MYO18A: variants seen among roughly 807,000 people sequenced by gnomAD.
MYO18A encodes the protein myosin XVIIIA.
A neutral mutation model predicts 235.8 loss-of-function variants in MYO18A; 78 were observed. The observed-to-expected ratio is 0.33, with a 90% CI of 0.28 to 0.40. The LOEUF (loss-of-function observed/expected upper bound fraction) is 0.40, where lower values mean the gene tolerates loss of function less well. MYO18A is among the 10% of genes least tolerant of loss of function. The pLI, the probability that MYO18A is intolerant of heterozygous loss-of-function variation, is 1.00. For missense variants in MYO18A, 2,215 were observed against 2,699.3 expected (o/e 0.82, Z 3.98); for synonymous variants, 977 against 1,077.8 (o/e 0.91, Z 1.83).
intron 2 of MYO18A, chr17:29,124,813 G>T: frequency 1.4e-6 from 1 of 731,312 alleles, no homozygotes; most frequent in Non-Finnish European, 1.9e-6. Context: ...CCAAGGCTCG[G>T]GGTGAAGGTG....
At chr17:29,133,040 C>A (rs1304505537) in intron 2 of MYO18A, among the ~76,000 whole-genome samples, 1 of 152,236 alleles carries the variant, frequency 6.6e-6, no homozygotes, top group Non-Finnish European at 1.5e-5. Context: ...AACTTGGGTG[C>A]CGGGGTGGCC....
chr17:29,141,959 T>G lies in MYO18A; in HGVS notation c.1000-19706A>C, dbSNP rs539121237. ...CTGGGATTTTTTTGTTTTTGTTTTTTTTTGAGACGGAGTCTCGCTCTGTCG... is the reference window on the plus strand; with the variant it reads ...CTGGGATTTTTTTGTTTTTGTTTTTGTTTGAGACGGAGTCTCGCTCTGTCG... On this transcript the variant is annotated intron_variant, in intron 2 of 41. Transcript: ENST00000527372. 9.8e-5 allele frequency among the ~76,000 whole-genome samples: 15 copies of G among 152,328 alleles called. No homozygotes were observed. In the South Asian group the frequency reaches 3.1e-3, roughly 32 times the overall value.
At position 29,158,145 on chromosome 17, in the gene MYO18A, C is replaced by T. The variant is rs1038938163; in HGVS notation, c.999+7797G>A. ...AAACACCACCTAGGGCACGTGTCTA[C>T]ACTATGCACCATACTGAGCGCCACA... On this transcript the variant is annotated intron_variant, in intron 2 of 41. Coordinates refer to ENST00000527372, the MANE Select transcript of MYO18A (RefSeq NM_078471.4). The surrounding 1 kb of genome is among the most constrained non-coding windows in gnomAD (Gnocchi z 4.3). Among the ~76,000 whole-genome samples the T allele has an allele frequency of 6.6e-6, 1 of 152,170 alleles. No homozygotes were observed. Among genetic ancestry groups the T allele is most frequent in the Non-Finnish European group, 1.5e-5 (1 of 68,034 alleles).
At chr17:29,172,703 CAG>C (rs995116942) in intron 1 of MYO18A, among the ~76,000 whole-genome samples, 3 of 152,086 alleles carry the variant, frequency 2.0e-5, no homozygotes, top group Non-Finnish European at 4.4e-5. Flanking sequence ...GAGAGGATAA[CAG>C]AGTACACAAG....
At chr17:29,153,276 T>A (rs1380832086) in intron 2 of MYO18A, among the ~76,000 whole-genome samples, 1 of 151,900 alleles carries the variant, frequency 6.6e-6, no homozygotes, top group Non-Finnish European at 1.5e-5. Flanking sequence ...CACACCACCA[T>A]GCCCAGCTAA....
At chr17:29,097,178 T>G in intron 27 of MYO18A, 45 bp downstream of exon 27, 1 of 1,598,512 alleles carries the variant, frequency 6.3e-7, no homozygotes, top group Non-Finnish European at 8.5e-7. Context: ...ACCAGTCCTC[T>G]CCTGGCCCTC....
chr17:29,115,249 C>T (rs2067029554), intron 13 of MYO18A, 102 bp downstream of exon 13: 3 of 1,458,228 alleles, frequency 2.1e-6, no homozygotes, highest in Non-Finnish European at 2.8e-6. Flanking sequence ...ACAGGGAGCC[C>T]CTGCTGGAAG....
intron 41 of MYO18A, chr17:29,076,232 T>C (rs1229821340): frequency 6.6e-6 from 1 of 150,926 alleles, no homozygotes; most frequent in Non-Finnish European, 1.5e-5. Context: ...GAAAGGATCT[T>C]CCCCAAGGCC....
At chr17:29,175,358 T>C (rs1417801136) in intron 1 of MYO18A, among the ~76,000 whole-genome samples, 2 of 151,272 alleles carry the variant, frequency 1.3e-5, no homozygotes, top group Non-Finnish European at 2.9e-5. Context: ...TCTACTTTTA[T>C]TTCATCTTTT....
In MYO18A at chr17:29,110,069, C is replaced by T. The variant is rs2066891218; in HGVS notation, c.3120G>A (p.Lys1040=). The T allele has an allele frequency of 1.2e-6, 2 of 1,612,554 alleles. No homozygotes were observed. Among genetic ancestry groups the T allele is most frequent in the Non-Finnish European group, 1.7e-6 (2 of 1,179,842 alleles). The stretch of plus-strand genomic sequence containing the variant: ...GCAGGAAGCAGTGCACAAAATGCAG[C>T]TTTGACTTCTTGATGGTGTCGATGA... The part of the protein sequence containing the change: ...DALIDTIKKS[K]LHFVHCFLPV... Residue 1040 remains lysine (K), a synonymous_variant, in exon 19 of 42, where the codon AAG becomes AAA. Transcript: ENST00000527372.
At position 29,090,023 on chromosome 17, in the gene MYO18A, C is replaced by G. The variant is rs762040758; in HGVS notation, c.5464G>C (p.Ala1822Pro). 1 of 1,614,060 alleles carries G rather than the reference C, an allele frequency of 6.2e-7. No individual in the cohort carries two copies. Among genetic ancestry groups the G allele is most frequent in the Non-Finnish European group, 8.5e-7 (1 of 1,179,894 alleles). Residue 1822 changes from alanine to proline, a missense_variant, in exon 37 of 42, where the codon GCT becomes CCT. Transcript: ENST00000527372. ...CGTGTCTCCAGCTCCCGTATCTTAG[C>G]TTCCTGCCTGCTCACCAGGGACTTG... ...VDKSLVSRQE[A>P]KIRELETRLE...
chr17:29,095,207 G>C, intron 28 of MYO18A, 148 bp from the exon 29 acceptor site: 1 of 1,258,808 alleles, frequency 7.9e-7, no homozygotes, highest in South Asian at 1.6e-5. Context: ...TAAGGTAGCG[G>C]TGACATTTAG....
intron 15 of MYO18A, 139 bp from the exon 16 acceptor site, chr17:29,112,002 G>A (rs946752388): frequency 2.4e-5 from 27 of 1,115,488 alleles, no homozygotes; most frequent in African/African-American, 1.1e-4. Flanking sequence ...AGCTCCTGCC[G>A]CTCACTGCTG....
chr17:29,100,595 A>G (rs1449255337), intron 21 of MYO18A, among the ~76,000 whole-genome samples: 1 of 152,232 alleles, frequency 6.6e-6, no homozygotes, highest in Non-Finnish European at 1.5e-5. Context: ...CACACGCCAC[A>G]AAGGGAAGTG....
chr17:29,165,928 A>G lies in MYO18A; in HGVS notation c.999+14T>C. 6.2e-7 allele frequency: 1 copy of G among 1,604,980 alleles called. No individual in the cohort carries two copies. Among genetic ancestry groups the G allele is most frequent in the South Asian group, 1.1e-5 (1 of 90,142 alleles). On this transcript the variant is annotated intron_variant, in intron 2 of 41. Transcript: ENST00000527372. ...CCATCCCTGCTTAGCCCAGGTGCCC[A>G]GGGAAGCACTCACATCGGATGGCTC...
chr17:29,148,058 G>A (rs1011415822), intron 2 of MYO18A, among the ~76,000 whole-genome samples: 4 of 151,956 alleles, frequency 2.6e-5, no homozygotes, highest in East Asian at 1.9e-4. Flanking sequence ...GGGCACAAGC[G>A]GGTCTGGGTG....
intron 40 of MYO18A, among the ~76,000 whole-genome samples, chr17:29,085,282 G>GT (rs2066225055): frequency 6.6e-6 from 1 of 152,238 alleles, no homozygotes; most frequent in Admixed American, 6.5e-5. Context: ...GCCACACTTG[G>GT]TTTTTGAGGG....
At chr17:29,085,113 C>T (rs2066220658) in intron 40 of MYO18A, among the ~76,000 whole-genome samples, 1 of 152,252 alleles carries the variant, frequency 6.6e-6, no homozygotes. Context: ...GGAGATGCCC[C>T]TCACCTTCTA....
chr17:29,090,936 G>A lies in MYO18A; in HGVS notation c.5188-10C>T. ...TCAGCTGCTCCTCCAGCTGGAGAGA[G>A]GCAAAGACAGATCAGAGGGCCTCAG... On this transcript the variant is annotated splice_polypyrimidine_tract_variant and intron_variant, in intron 34 of 41. Coordinates refer to ENST00000527372, the MANE Select transcript of MYO18A (RefSeq NM_078471.4). 6.2e-7 allele frequency: 1 copy of A among 1,611,200 alleles called. No individual in the cohort carries two copies. Among genetic ancestry groups the A allele is most frequent in the Non-Finnish European group, 8.5e-7 (1 of 1,177,846 alleles).
Sources: gnomAD v4.1 joint callset for allele counts (sites outside exome capture counted in the v4.1 genomes callset) on GRCh38, gnomAD v4.1.1 for gene constraint, Gnocchi (gnomAD v3.1) non-coding constraint, MANE v1.5 for transcripts, NCBI Gene and HGNC (gene_info 2026-07-23, HGNC 2026-07-21) for gene names.